CRACD: variants seen among roughly 807,000 people sequenced by gnomAD.
The protein encoded by CRACD is capping protein-inhibiting regulator of actin dynamics.
Under a neutral mutation model 106.8 loss-of-function variants are expected in CRACD, and 56 were observed. The ratio of observed to expected loss-of-function variants is 0.52; its 90% confidence interval spans 0.42 to 0.66. The LOEUF (loss-of-function observed/expected upper bound fraction) is 0.66. Ranked by LOEUF, CRACD falls within the 30% of genes least tolerant of loss-of-function variation. The probability of loss-of-function intolerance (pLI) is 0.00; values close to 1 mark genes in which losing one functional copy is unlikely to be tolerated. For synonymous variants in CRACD, 754 were observed against 670.8 expected (o/e 1.12, Z -1.92); for missense variants, 1,730 against 1,623.2 (o/e 1.07, Z -1.13).
At chr4:56,157,339 A>G (rs936183401) in intron 1 of CRACD, among the ~76,000 whole-genome samples, 2 of 152,182 alleles carry the variant, frequency 1.3e-5, no homozygotes, top group African/African-American at 4.8e-5. Context: ...ATCAAAGTTT[A>G]CTAAACGATG....
chr4:56,137,618 C>G (rs900029849), intron 1 of CRACD, among the ~76,000 whole-genome samples: 1 of 152,206 alleles, frequency 6.6e-6, no homozygotes, highest in Non-Finnish European at 1.5e-5. Context: ...TGGTATCTCT[C>G]TTACTTCATT....
intron 1 of CRACD, among the ~76,000 whole-genome samples, chr4:56,077,706 T>A (rs974994218): frequency 4.6e-5 from 7 of 152,192 alleles, no homozygotes; most frequent in African/African-American, 1.7e-4. Context: ...GCACGTAGAC[T>A]TAGCAGCTCA....
chr4:56,119,979 A>G (rs1274243220), intron 1 of CRACD, among the ~76,000 whole-genome samples: 1 of 152,006 alleles, frequency 6.6e-6, no homozygotes, highest in Non-Finnish European at 1.5e-5. Context: ...TTAATCTACT[A>G]TTTGCACTAC....
intron 1 of CRACD, among the ~76,000 whole-genome samples, chr4:56,158,270 C>A (rs1735828620): frequency 6.6e-6 from 1 of 152,208 alleles, no homozygotes; most frequent in South Asian, 2.1e-4. Flanking sequence ...ATGTTCAGAT[C>A]ATGCAGGGGT....
At chr4:56,092,366 C>A (rs1733450697) in intron 1 of CRACD, among the ~76,000 whole-genome samples, 1 of 152,144 alleles carries the variant, frequency 6.6e-6, no homozygotes, top group African/African-American at 2.4e-5. Context: ...GTGGTAGAGA[C>A]CTGTGCTGTC....
At chr4:56,287,739 C>A (rs1364510194) in intron 3 of CRACD, among the ~76,000 whole-genome samples, 1 of 152,072 alleles carries the variant, frequency 6.6e-6, no homozygotes, top group South Asian at 2.1e-4. Context: ...TGTTTGGAGC[C>A]TCTGGGTAAA....
chr4:56,247,637 G>A (rs1259956989), intron 2 of CRACD, among the ~76,000 whole-genome samples: 2 of 152,286 alleles, frequency 1.3e-5, no homozygotes, highest in East Asian at 1.9e-4. Context: ...CCTGAGGTCA[G>A]GAGTTCAAGA....
chr4:56,199,232 A>G (rs1934367244), intron 2 of CRACD, among the ~76,000 whole-genome samples: 1 of 152,254 alleles, frequency 6.6e-6, no homozygotes, highest in African/African-American at 2.4e-5. Flanking sequence ...TCAAAGTAGC[A>G]AACTGAAAGT....
In CRACD at chr4:56,057,807, T is replaced by G. The variant is rs556619210; in HGVS notation, c.-336+8508T>G. Among the ~76,000 whole-genome samples the G allele has an allele frequency of 7.4e-4, 72 of 97,174 alleles. 7 individuals are homozygous for G. The highest frequency in any genetic ancestry group is 3.7e-3 in the Admixed American group (37 of 10,108). The allele number at this position is 97,174 out of a possible 152,430, so 63.7% of individuals were successfully genotyped here. A position where few individuals can be genotyped will look rare whatever the true frequency, so the allele number is the denominator to read the frequency against. On this transcript the variant is annotated intron_variant, in intron 1 of 10. Transcript: ENST00000682029. The stretch of plus-strand genomic sequence containing the variant: ...CCTGGCTCATTTTTTGTATTTTTTT[T>G]TTTTTTGTTTTTTTTTTTTTTTTTT...
rs903303406 is a variant in CRACD at position 56,271,907 on chromosome 4, C to G, written c.-188-414C>G. Among the ~76,000 whole-genome samples the G allele has an allele frequency of 7.8e-4, 118 of 152,182 alleles. 1 individual carries two copies. Among genetic ancestry groups the G allele is most frequent in the African/African-American group, 2.8e-3 (116 of 41,538 alleles). On this transcript the variant is annotated intron_variant, in intron 2 of 10. Coordinates refer to ENST00000682029, the MANE Select transcript of CRACD (RefSeq NM_001393381.1). The stretch of plus-strand genomic sequence containing the variant: ...CTAAAGGCGTGCACCACCAACCCGA[C>G]TAATTTTCTTATATTTTATAGAGAT...
Position 56,329,669 on chromosome 4 carries a change from T to A in CRACD, c.*1865T>A, listed in dbSNP as rs1746683982. ...AATGTTCATTTCTAAATCTTATATG[T>A]AGGCATTTGTTAGTTCCAATGATTT... On this transcript the variant is annotated 3_prime_UTR_variant, in exon 11 of 11. Transcript: ENST00000682029. 6.6e-6 allele frequency among the ~76,000 whole-genome samples: 1 copy of A among 152,238 alleles called. No individual in the cohort carries two copies. Among genetic ancestry groups the A allele is most frequent in the Non-Finnish European group, 1.5e-5 (1 of 68,030 alleles).
In CRACD at chr4:56,315,001, C is replaced by T; in HGVS notation, c.1499C>T (p.Ala500Val). 6.3e-7 allele frequency: 1 copy of T among 1,586,690 alleles called. No individual in the cohort carries two copies. Among genetic ancestry groups the T allele is most frequent in the Non-Finnish European group, 8.6e-7 (1 of 1,167,798 alleles). Residue 500 changes from alanine (A) to valine (V), a missense_variant, in exon 8 of 11, where the codon GCC (alanine) becomes GTC (valine). Around this residue, in one of 5 missense-constraint regions of CRACD, gnomAD observed 1,620 missense variants for 1,481.6 expected, o/e 1.09. Transcript: ENST00000682029. This position sits in a 1 kb window ranked among gnomAD's most constrained non-coding sequence, Gnocchi z 4.1. ...PLLKQEGPVE[A>V]AQPPVERKEA... ...CTGAAACAAGAGGGGCCGGTGGAAG[C>T]CGCGCAGCCTCCGGTGGAGAGGAAA...
chr4:56,071,184 C>T (rs1185792588), intron 1 of CRACD, among the ~76,000 whole-genome samples: 2 of 152,110 alleles, frequency 1.3e-5, no homozygotes, highest in Non-Finnish European at 2.9e-5. Context: ...TTTTATTCTC[C>T]TAAAGTTTTT....
chr4:56,273,159 T>C (rs948917865), intron 3 of CRACD, among the ~76,000 whole-genome samples: 10 of 152,074 alleles, frequency 6.6e-5, no homozygotes, highest in Admixed American at 5.2e-4. Context: ...ATAGAAAGGT[T>C]GTCATGGGCT....
chr4:56,239,974 A>G (rs1280807014), intron 2 of CRACD, among the ~76,000 whole-genome samples: 2 of 152,094 alleles, frequency 1.3e-5, no homozygotes, highest in South Asian at 2.1e-4. Flanking sequence ...GATTAAGCCT[A>G]TGACAGGTTT....
intron 2 of CRACD, among the ~76,000 whole-genome samples, chr4:56,254,627 C>G (rs370413201): frequency 1.4e-4 from 21 of 152,242 alleles, no homozygotes; most frequent in Admixed American, 3.9e-4. Context: ...TGGCCCACTT[C>G]CCACTGGCAC....
intron 1 of CRACD, among the ~76,000 whole-genome samples, chr4:56,108,878 G>T (rs1046297234): frequency 6.6e-6 from 1 of 152,188 alleles, no homozygotes; most frequent in Non-Finnish European, 1.5e-5. Context: ...GGAACCAGGA[G>T]TACGAGAGGA....
chr4:56,276,467 T>C (rs747644773), intron 3 of CRACD, among the ~76,000 whole-genome samples: 3 of 152,210 alleles, frequency 2.0e-5, no homozygotes, highest in Non-Finnish European at 4.4e-5. Context: ...CAATGGCATG[T>C]ATTAAAGGTA....
chr4:56,290,843 CG>C (rs1178162828), intron 3 of CRACD, among the ~76,000 whole-genome samples: 1 of 152,102 alleles, frequency 6.6e-6, no homozygotes, highest in East Asian at 1.9e-4. Context: ...CTCTGTAAGT[CG>C]GGGCTGTGAT....
Sources: allele counts gnomAD v4.1 joint callset (sites outside exome capture counted in the v4.1 genomes callset), GRCh38; gene constraint gnomAD v4.1.1; regional missense constraint gnomAD v4.1.1; non-coding constraint Gnocchi (gnomAD v3.1); transcripts MANE v1.5; gene names NCBI Gene and HGNC (gene_info 2026-07-23, HGNC 2026-07-21).